The following NOL4 variants were observed in gnomAD, a reference collection of about 807,000 sequenced individuals.
NOL4 encodes the protein nucleolar protein 4.
NOL4 carries 17 observed loss-of-function variants against 75.9 expected under a neutral mutation model. The ratio of observed to expected loss-of-function variants is 0.22; its 90% CI spans 0.15 to 0.34. NOL4 has a LOEUF of 0.34. Ranked by LOEUF, NOL4 falls within the 10% of genes least tolerant of loss-of-function variation. The pLI, the probability that NOL4 is intolerant of heterozygous loss-of-function variation, is 1.00. For missense variants in NOL4, 614 were observed against 793.5 expected (o/e 0.77, Z 2.72); for synonymous variants, 292 against 289.9 (o/e 1.01, Z -0.07).
At chr18:34,168,775 G>A (rs1267579152) in intron 1 of NOL4, among the ~76,000 whole-genome samples, 1 of 151,586 alleles carries the variant, frequency 6.6e-6, no homozygotes, top group Admixed American at 6.6e-5. Context: ...AATTTAAACG[G>A]AAACTTCTAA....
chr18:33,908,341 G>C (rs1455856632), intron 9 of NOL4, among the ~76,000 whole-genome samples: 1 of 152,162 alleles, frequency 6.6e-6, no homozygotes, highest in African/African-American at 2.4e-5. Flanking sequence ...TTTCAACACT[G>C]ACATTAGGAT....
At chr18:33,926,631 T>C (rs2067348558) in intron 9 of NOL4, among the ~76,000 whole-genome samples, 1 of 152,210 alleles carries the variant, frequency 6.6e-6, no homozygotes, top group Non-Finnish European at 1.5e-5. Flanking sequence ...AGACGGAGTC[T>C]CGCTCTGTCA....
At chr18:33,952,547 T>C (rs1028194636) in intron 8 of NOL4, among the ~76,000 whole-genome samples, 28 of 152,190 alleles carry the variant, frequency 1.8e-4, no homozygotes, top group Admixed American at 6.6e-4. Context: ...ACCACACTTG[T>C]ACAGGAATTG....
chr18:34,195,822 T>C (rs1469796671), intron 1 of NOL4, among the ~76,000 whole-genome samples: 1 of 151,684 alleles, frequency 6.6e-6, no homozygotes, highest in Non-Finnish European at 1.5e-5. Flanking sequence ...TTCACTAGCA[T>C]TGCTTCAGTA....
At chr18:34,213,420 G>A (rs1310598413) in intron 1 of NOL4, among the ~76,000 whole-genome samples, 1 of 152,174 alleles carries the variant, frequency 6.6e-6, no homozygotes, top group Non-Finnish European at 1.5e-5. Context: ...TTCCTGAGTA[G>A]CTGGGACTAC....
rs772933888 is a variant in NOL4, at chr18:33,958,302, A to G, written c.1173T>C (p.His391=). The G allele has an allele frequency of 2.5e-6, 4 of 1,613,634 alleles. No individual in the cohort carries two copies. The highest frequency in any genetic ancestry group is 1.7e-5 in the Admixed American group (1 of 59,982). Reference sequence around the variant, plus strand: ...TCTCATTAACTTTCTCCGAATCGTCATGGTCCTCGTGGTCATCTTCGTCCT... The same window carrying G: ...TCTCATTAACTTTCTCCGAATCGTCGTGGTCCTCGTGGTCATCTTCGTCCT... ...GDEDEDDHED[H]DDSEKVNETD... The change falls in exon 7 of 11, where the codon CAT becomes CAC. Residue 391 remains histidine (H), a synonymous_variant. Coordinates refer to ENST00000261592, the MANE Select transcript of NOL4 (RefSeq NM_003787.5).
chr18:34,214,867 T>C (rs2146591474), intron 1 of NOL4, among the ~76,000 whole-genome samples: 1 of 152,288 alleles, frequency 6.6e-6, no homozygotes. Context: ...AATTATAACA[T>C]GGATGAATCT....
chr18:34,003,726 G>A (rs2073870576), intron 6 of NOL4, among the ~76,000 whole-genome samples: 2 of 151,994 alleles, frequency 1.3e-5, no homozygotes, highest in Admixed American at 1.3e-4. Flanking sequence ...TCTTCAGCAA[G>A]ACTGTTTGGT....
chr18:33,898,487 A>G (rs762490685), intron 9 of NOL4, among the ~76,000 whole-genome samples: 17 of 152,116 alleles, frequency 1.1e-4, no homozygotes, highest in Non-Finnish European at 2.1e-4. Context: ...ATTATGAAGA[A>G]ACAACACCCG....
chr18:34,202,681 A>G (rs147611808), intron 1 of NOL4, among the ~76,000 whole-genome samples: 141 of 152,118 alleles, frequency 9.3e-4, no homozygotes, highest in African/African-American at 3.3e-3. Flanking sequence ...TGATACCTCT[A>G]TGGTCATATT....
intron 6 of NOL4, among the ~76,000 whole-genome samples, chr18:34,000,539 T>C (rs554028554): frequency 6.6e-6 from 1 of 152,278 alleles, no homozygotes; most frequent in African/African-American, 2.4e-5. Flanking sequence ...CTGGCAAAAT[T>C]CTTGCGGAAC....
chr18:34,084,091 C>T (rs2078134821), intron 5 of NOL4, among the ~76,000 whole-genome samples: 1 of 152,170 alleles, frequency 6.6e-6, no homozygotes, highest in Non-Finnish European at 1.5e-5. Flanking sequence ...GGCTGGAACG[C>T]TCCCATATGA....
At chr18:33,923,806 A>G (rs2067174193) in intron 9 of NOL4, among the ~76,000 whole-genome samples, 1 of 152,208 alleles carries the variant, frequency 6.6e-6, no homozygotes. Flanking sequence ...AAGTACATAT[A>G]GTTTTTTAAA....
intron 10 of NOL4, among the ~76,000 whole-genome samples, chr18:33,881,125 C>T (rs1449529876): frequency 1.3e-5 from 2 of 151,480 alleles, no homozygotes; most frequent in East Asian, 1.9e-4. Flanking sequence ...CTCTTTGAAG[C>T]AATTGTGAAT....
chr18:33,907,810 C>A (rs1199631599), intron 9 of NOL4, among the ~76,000 whole-genome samples: 1 of 152,120 alleles, frequency 6.6e-6, no homozygotes, highest in African/African-American at 2.4e-5. Context: ...TAACAATTCT[C>A]TTTTGGTAAT....
intron 2 of NOL4, among the ~76,000 whole-genome samples, chr18:34,112,661 A>G (rs1219242547): frequency 6.6e-6 from 1 of 152,164 alleles, no homozygotes; most frequent in Admixed American, 6.5e-5. Context: ...TCAAACTCAT[A>G]GAAGCTGAGA....
intron 1 of NOL4, among the ~76,000 whole-genome samples, chr18:34,143,355 A>G (rs948431581): frequency 3.3e-5 from 5 of 152,206 alleles, no homozygotes; most frequent in Non-Finnish European, 5.9e-5. Flanking sequence ...CTCTTACTAT[A>G]AACTTCATAT....
chr18:33,972,163 C>CAA (rs34438324), intron 6 of NOL4, among the ~76,000 whole-genome samples: 3 of 101,156 alleles, frequency 3.0e-5, no homozygotes. Context: ...GACTCTGTCT[C>CAA]AAAAAAAAAA....
intron 6 of NOL4, among the ~76,000 whole-genome samples, chr18:34,013,709 A>T (rs1306056061): frequency 1.3e-5 from 2 of 152,022 alleles, no homozygotes; most frequent in Non-Finnish European, 2.9e-5. Context: ...AAGTAAGCCT[A>T]GAGGAGACTC....
Sources: allele counts gnomAD v4.1 joint callset (sites outside exome capture counted in the v4.1 genomes callset), GRCh38; gene constraint gnomAD v4.1.1; transcripts MANE v1.5; gene names NCBI Gene and HGNC (gene_info 2026-07-23, HGNC 2026-07-21).